Variants in TSPYL2 observed in about 807,000 individuals in gnomAD.
TSPYL2 encodes the protein testis-specific Y-encoded-like protein 2.
Under a neutral mutation model 33.0 loss-of-function variants are expected in TSPYL2, and 9 were observed. That is an observed-to-expected ratio of 0.27 (90% CI 0.16 to 0.48). The LOEUF (loss-of-function observed/expected upper bound fraction) is 0.48. TSPYL2 is among the 20% of genes least tolerant of loss of function. The pLI is 0.99. For synonymous variants in TSPYL2, 330 were observed against 233.6 expected (o/e 1.41, Z -3.77); for missense variants, 636 against 586.2 (o/e 1.08, Z -0.88).
Position 53,087,942 on chromosome X carries a change from G to GT in TSPYL2, c.*7dup, listed in dbSNP as rs1404919205. ...GGAAGAGGGGGAAAACCGGATAAGG[G>GT]TTTTCCCCTTTTGGGGATCACCTCT... is the stretch of plus-strand genomic sequence containing the variant. On this transcript the variant is annotated 3_prime_UTR_variant, in exon 7 of 7. Transcript: ENST00000375442. The GT allele has an allele frequency of 5.0e-6, 6 of 1,209,702 alleles. No individual in the cohort carries two copies. Among genetic ancestry groups the GT allele is most frequent in the Non-Finnish European group, 6.7e-6 (6 of 894,294 alleles).
chrX:53,086,065 G>C lies in TSPYL2; in HGVS notation c.1673G>C (p.Ser558Thr). ...FWGSHGNNQD[S>T]SDSDNEADEA... is the part of the protein sequence containing the mutation. Reference sequence around the variant, plus strand: ...GGCAGCCATGGCAACAACCAGGACAGCAGCGACAGTGACAATGAAGCAGAT... The same window carrying C: ...GGCAGCCATGGCAACAACCAGGACACCAGCGACAGTGACAATGAAGCAGAT... The change falls in exon 6 of 7, where the codon AGC becomes ACC. Residue 558 changes from serine to threonine, a missense_variant. This residue lies in a region of TSPYL2 where 401 missense variants were observed against 363.0 expected (regional missense o/e 1.10). Transcript: ENST00000375442. The C allele has an allele frequency of 1.7e-6, 2 of 1,171,756 alleles. No homozygotes were observed. Among genetic ancestry groups the C allele is most frequent in the Non-Finnish European group, 2.3e-6 (2 of 875,291 alleles).
chrX:53,087,717 C>CT, intron 6 of TSPYL2, 59 bp from the exon 7 acceptor site: 2 of 1,130,241 alleles, frequency 1.8e-6, no homozygotes, highest in Middle Eastern at 5.2e-4. Context: ...AGAGTGACAC[C>CT]TATCTGCTCA....
Position 53,086,216 on chromosome X carries a change from A to G in TSPYL2, c.1824A>G (p.Lys608=). 1 of 1,211,545 alleles carries G rather than the reference A, an allele frequency of 8.3e-7. No homozygotes were observed. The highest frequency in any genetic ancestry group is 1.1e-6 in the Non-Finnish European group (1 of 895,392). Residue 608 remains lysine, a synonymous_variant, in exon 6 of 7, where the codon AAA becomes AAG. Transcript: ENST00000375442. ...DDDRDIEYYE[K]VIEDFDKDQA... ...ACAGAGACATTGAGTACTATGAGAAAGTTATTGAAGACTTTGACAAGGATC... is the reference window on the plus strand; with the variant it reads ...ACAGAGACATTGAGTACTATGAGAAGGTTATTGAAGACTTTGACAAGGATC...
chrX:53,087,491 G>A (rs1327791320), intron 6 of TSPYL2: 2 of 294,474 alleles, frequency 6.8e-6, no homozygotes, highest in African/African-American at 5.3e-5. Context: ...ACACATTGAG[G>A]AGTACAAGGG....
chrX:53,087,782 A>C lies in TSPYL2; in HGVS notation c.1925A>C (p.Gln642Pro). The C allele has an allele frequency of 8.3e-7, 1 of 1,208,525 alleles. No homozygotes were observed. Among genetic ancestry groups the C allele is most frequent in the Non-Finnish European group, 1.1e-6 (1 of 893,432 alleles). Residue 642 changes from glutamine to proline, a missense_variant, in exon 7 of 7, where the codon CAG becomes CCG. This residue lies in a region of TSPYL2 where 401 missense variants were observed against 363.0 expected (regional missense o/e 1.10). Transcript: ENST00000375442. ...TTGCTTCTCCCCTATGCAGGCATCC[A>C]GCAAGATGAGGACATCTATGAGGAA... ...VEEEGIEEGI[Q>P]QDEDIYEEGN...
intron 6 of TSPYL2, chrX:53,087,499 G>T (rs1932783803): frequency 2.9e-6 from 1 of 350,814 alleles, no homozygotes; most frequent in Non-Finnish European, 5.0e-6. Context: ...AGGAGTACAA[G>T]GGGGAGAAAA....
Position 53,085,809 on chromosome X carries a change from A to G in TSPYL2, c.1417A>G (p.Asn473Asp), listed in dbSNP as rs782676402. The G allele has an allele frequency of 5.0e-6, 6 of 1,211,835 alleles. No individual in the cohort carries two copies. The highest frequency in any genetic ancestry group is 3.0e-5 in the East Asian group (1 of 33,853). ...CACTGACAATGAGATAACTGACATC[A>G]ATGAGAACATCTGCGACAGCGAGAA... ...ETTDNEITDINENICDSENPD... is the reference protein window; with the variant it reads ...ETTDNEITDIDENICDSENPD... Residue 473 changes from asparagine (N) to aspartate (D), a missense_variant, in exon 6 of 7, where the codon AAT (asparagine) becomes GAT (aspartate). Asn to Asp is a conservative substitution (Grantham distance 23). This residue lies in a region of TSPYL2 where 401 missense variants were observed against 363.0 expected (regional missense o/e 1.10). Transcript: ENST00000375442.
chrX:53,087,695 C>G, intron 6 of TSPYL2, 81 bp from the exon 7 acceptor site: 1 of 1,065,318 alleles, frequency 9.4e-7, no homozygotes, highest in Non-Finnish European at 1.3e-6. Context: ...GCTATGGTCT[C>G]TGTTCCCTTT....
chrX:53,085,122 C>G, intron 4 of TSPYL2, 23 bp downstream of exon 4: 1 of 1,198,435 alleles, frequency 8.3e-7, no homozygotes, highest in Non-Finnish European at 1.1e-6. Flanking sequence ...CTGGCATCAC[C>G]AGAGAAGGCC....
Position 53,082,870 on chromosome X carries a change from G to C in TSPYL2, c.372G>C (p.Ser124=), listed in dbSNP as rs781816077. ...AAGCACTCCCCACTCCTGAGGCCTC[G>C]GGGGGGAGCCTGGAAATCGATTTTC... ...SLEALPTPEA[S]GGSLEIDFQV... is the part of the protein sequence containing the mutation. Residue 124 remains serine, a synonymous_variant, in exon 1 of 7, where the codon TCG becomes TCC. Coordinates refer to ENST00000375442, the MANE Select transcript of TSPYL2 (RefSeq NM_022117.4). The C allele has an allele frequency of 1.0e-4, 123 of 1,207,143 alleles. No individual in the cohort carries two copies. The highest frequency in any genetic ancestry group is 1.3e-4 in the Non-Finnish European group (114 of 893,983).
At chrX:53,085,420 A>C in intron 5 of TSPYL2, 99 bp downstream of exon 5, 1 of 791,234 alleles carries the variant, frequency 1.3e-6, no homozygotes, top group Non-Finnish European at 1.8e-6. Context: ...CTTTGAGATA[A>C]TCCCAGTGGA....
Position 53,088,186 on chromosome X carries a change from A to G in TSPYL2, c.*247A>G. ...CAGGCTTCTGTGTGCTGCTAACTGT[A>G]TTTATTGTGATGCCTTGGTCAGGGC... On this transcript the variant is annotated 3_prime_UTR_variant, in exon 7 of 7. Transcript: ENST00000375442. 2.7e-6 allele frequency: 1 copy of G among 374,088 alleles called. No individual in the cohort carries two copies. Among genetic ancestry groups the G allele is most frequent in the East Asian group, 4.3e-5 (1 of 23,474 alleles). The allele number at this position is 374,088 out of a possible 1,213,427, so 30.8% of individuals were successfully genotyped here.
chrX:53,086,281 A>G lies in TSPYL2; in HGVS notation c.1889A>G (p.Glu630Gly), dbSNP rs782784563. 1 of 1,209,742 alleles carries G rather than the reference A, an allele frequency of 8.3e-7. No homozygotes were observed. The highest frequency in any genetic ancestry group is 1.1e-6 in the Non-Finnish European group (1 of 894,820). The change falls in exon 6 of 7, where the codon GAA becomes GGA. Residue 630 changes from glutamate (E) to glycine (G), a missense_variant. Glu to Gly is a moderately conservative substitution (Grantham distance 98, BLOSUM62 -2). Coordinates refer to ENST00000375442, the MANE Select transcript of TSPYL2 (RefSeq NM_022117.4). ...YEDVIEIISD[E>G]SVEEEGIEEG... The stretch of plus-strand genomic sequence containing the variant: ...GACGTGATAGAGATCATCTCAGACG[A>G]ATCAGTGGAAGAAGAGGGCATTGAG...
chrX:53,083,039 G>A lies in TSPYL2; in HGVS notation c.541G>A (p.Glu181Lys). The part of the protein sequence containing the change: ...IVEDEDEDER[E>K]SMRSSRRRRR... ...GGAGGATGAGGATGAGGATGAGCGG[G>A]AGAGTATGAGGAGCAGCAGGAGGCG... The change falls in exon 1 of 7, where the codon GAG (glutamate) becomes AAG (lysine). Residue 181 changes from glutamate (E) to lysine (K), a missense_variant. Transcript: ENST00000375442. 3 of 1,206,937 alleles carry A rather than the reference G, an allele frequency of 2.5e-6. No individual in the cohort carries two copies. The highest frequency in any genetic ancestry group is 3.5e-5 in the South Asian group (2 of 56,409).
Position 53,086,178 on chromosome X carries a change from A to G in TSPYL2, c.1786A>G (p.Ser596Gly). Residue 596 changes from serine to glycine, a missense_variant, in exon 6 of 7, where the codon AGC becomes GGC. By Grantham distance (56) the Ser-to-Gly change is moderately conservative. Transcript: ENST00000375442. ...TGGCAATGAAGGTGACAATGAAGGC[A>G]GCGATGATGACGACAGAGACATTGA... ...DDGNEGDNEG[S>G]DDDDRDIEYY... 1 of 1,209,316 alleles carries G rather than the reference A, an allele frequency of 8.3e-7. No homozygotes were observed. The highest frequency in any genetic ancestry group is 1.1e-6 in the Non-Finnish European group (1 of 894,175).
In TSPYL2 at chrX:53,085,629, A is replaced by G. The variant is rs901843971; in HGVS notation, c.1239-2A>G. On this transcript the variant is annotated splice_acceptor_variant, in intron 5 of 6. Coordinates refer to ENST00000375442, the MANE Select transcript of TSPYL2 (RefSeq NM_022117.4). LOFTEE classifies it high-confidence loss of function. ...TATACTCAGCCACAGCCTTCCTTAC[A>G]GTAAAACCAGGGGCAGATGTGAGGT... 2.5e-6 allele frequency: 3 copies of G among 1,211,522 alleles called. No homozygotes were observed. Among genetic ancestry groups the G allele is most frequent in the Non-Finnish European group, 3.4e-6 (3 of 895,240 alleles).
At position 53,083,160 on chromosome X, in the gene TSPYL2, A is replaced by C. The variant is rs782133426; in HGVS notation, c.662A>C (p.Asp221Ala). ...RMESILQALE[D>A]IQLDLEAVNI... ...GAGAGCATCCTGCAGGCACTGGAGG[A>C]TATTCAGCTGGATCTGGAGGCAGTG... The change falls in exon 1 of 7, where the codon GAT becomes GCT. Residue 221 changes from aspartate (D) to alanine (A), a missense_variant. Physicochemically the swap from Asp to Ala is moderately radical, Grantham distance 126. Coordinates refer to ENST00000375442, the MANE Select transcript of TSPYL2 (RefSeq NM_022117.4). 2.5e-6 allele frequency: 3 copies of C among 1,211,251 alleles called. No individual in the cohort carries two copies. Among genetic ancestry groups the C allele is most frequent in the Middle Eastern group, 2.3e-4 (1 of 4,354 alleles).
At chrX:53,087,722 T>G in intron 6 of TSPYL2, 54 bp from the exon 7 acceptor site, 1 of 1,142,498 alleles carries the variant, frequency 8.8e-7, no homozygotes, top group South Asian at 1.9e-5. Flanking sequence ...GACACCTATC[T>G]GCTCATCTAA....
chrX:53,083,934 C>T (rs1176603314), intron 1 of TSPYL2, among the ~76,000 whole-genome samples: 5 of 111,834 alleles, frequency 4.5e-5, no homozygotes, highest in African/African-American at 9.8e-5. Context: ...AGAGTAGACA[C>T]ATACACATAC....
Sources: allele counts gnomAD v4.1 joint callset (sites outside exome capture counted in the v4.1 genomes callset), GRCh38; gene constraint gnomAD v4.1.1; regional missense constraint gnomAD v4.1.1; transcripts MANE v1.5; gene names NCBI Gene and HGNC (gene_info 2026-07-23, HGNC 2026-07-21).